FSIP1: variants seen among roughly 807,000 people sequenced by gnomAD.
The protein encoded by FSIP1 is fibrous sheath-interacting protein 1.
A neutral mutation model predicts 60.9 loss-of-function variants in FSIP1; 65 were observed. The ratio of observed to expected loss-of-function variants is 1.07; its 90% CI spans 0.87 to 1.31. The LOEUF (loss-of-function observed/expected upper bound fraction) is 1.31. FSIP1 is among the 40% of genes most tolerant of loss of function. The pLI, the probability that FSIP1 is intolerant of heterozygous loss-of-function variation, is 0.00. For synonymous variants in FSIP1, 209 were observed against 221.2 expected, an observed-to-expected ratio of 0.94 and a Z score of 0.49; for missense variants, 675 against 665.5, an observed-to-expected ratio of 1.01 and a Z score of -0.16.
chr15:39,601,501 G>A (rs4924368), intron 11 of FSIP1, among the ~76,000 whole-genome samples: 4,874 of 152,286 alleles, frequency 0.032, 103 homozygotes, highest in Non-Finnish European at 0.048. Flanking sequence ...GAAACAGTCT[G>A]GCAGTTCCTG....
intron 10 of FSIP1, among the ~76,000 whole-genome samples, chr15:39,665,111 T>C (rs1446980286): frequency 1.3e-5 from 2 of 152,208 alleles, no homozygotes; most frequent in African/African-American, 2.4e-5. Flanking sequence ...TTCATTAGCA[T>C]GACCCCAGCT....
At chr15:39,708,351 C>T (rs1324028701) in intron 10 of FSIP1, among the ~76,000 whole-genome samples, 1 of 152,188 alleles carries the variant, frequency 6.6e-6, no homozygotes, top group Non-Finnish European at 1.5e-5. Context: ...CTCTACCCAG[C>T]CAGTGTCACT....
chr15:39,652,806 A>G (rs1448720233), intron 10 of FSIP1, among the ~76,000 whole-genome samples: 5 of 152,200 alleles, frequency 3.3e-5, no homozygotes, highest in Admixed American at 2.0e-4. Context: ...TGCATTGATT[A>G]CTGTAGGAAA....
At chr15:39,733,550 C>T (rs956486311) in intron 8 of FSIP1, among the ~76,000 whole-genome samples, 2 of 152,124 alleles carry the variant, frequency 1.3e-5, no homozygotes, top group African/African-American at 4.8e-5. Flanking sequence ...TGACATGATC[C>T]CCATTTCTAC....
chr15:39,636,210 G>A (rs1892132215), intron 10 of FSIP1, among the ~76,000 whole-genome samples: 1 of 152,132 alleles, frequency 6.6e-6, no homozygotes. Context: ...ATTTATGCTA[G>A]TACACTGAAT....
At chr15:39,651,388 T>C (rs1892861605) in intron 10 of FSIP1, among the ~76,000 whole-genome samples, 1 of 152,164 alleles carries the variant, frequency 6.6e-6, no homozygotes, top group Non-Finnish European at 1.5e-5. Flanking sequence ...GACAAGCAAC[T>C]CAAATTTCCA....
intron 10 of FSIP1, among the ~76,000 whole-genome samples, chr15:39,666,636 T>A (rs965825760): frequency 6.6e-6 from 1 of 152,238 alleles, no homozygotes; most frequent in Non-Finnish European, 1.5e-5. Context: ...TTTTTCAAAC[T>A]ATACAGAGTC....
chr15:39,780,514 C>T (rs1474700990), intron 1 of FSIP1, among the ~76,000 whole-genome samples: 2 of 151,822 alleles, frequency 1.3e-5, no homozygotes, highest in Admixed American at 6.6e-5. Context: ...AGCGAGACTC[C>T]GTGTCAAAAA....
chr15:39,666,112 C>T (rs944164014), intron 10 of FSIP1, among the ~76,000 whole-genome samples: 1 of 152,102 alleles, frequency 6.6e-6, no homozygotes, highest in Admixed American at 6.5e-5. Context: ...AGAAACTCTG[C>T]GTTAATCAAC....
At chr15:39,712,899 C>T (rs1895580513) in intron 10 of FSIP1, among the ~76,000 whole-genome samples, 1 of 137,882 alleles carries the variant, frequency 7.3e-6, no homozygotes. Context: ...TAATTACAAA[C>T]AAAAAGAGAA....
chr15:39,611,316 G>GT (rs1032877084), intron 11 of FSIP1, among the ~76,000 whole-genome samples: 37 of 151,278 alleles, frequency 2.4e-4, no homozygotes, highest in African/African-American at 7.0e-4. Context: ...TTTTGTTGTT[G>GT]TTTTTTTTTA....
chr15:39,701,553 T>C (rs1379135366), intron 10 of FSIP1, among the ~76,000 whole-genome samples: 1 of 152,148 alleles, frequency 6.6e-6, no homozygotes, highest in Non-Finnish European at 1.5e-5. Context: ...AAAATAGATG[T>C]AAGTGCCAGG....
At chr15:39,754,422 A>G (rs1261651440) in intron 5 of FSIP1, among the ~76,000 whole-genome samples, 3 of 152,140 alleles carry the variant, frequency 2.0e-5, no homozygotes, top group Non-Finnish European at 4.4e-5. Flanking sequence ...TTTGTTACAC[A>G]GCACTAGATA....
Position 39,659,626 on chromosome 15 carries a change from T to TA in FSIP1, c.1189-41382_1189-41381insT, listed in dbSNP as rs150262830. On this transcript the variant is annotated intron_variant, in intron 10 of 11. Coordinates refer to ENST00000350221, the MANE Select transcript of FSIP1 (RefSeq NM_152597.5). ...ATTATATCTCAATAAAGCTGTTATT[T>TA]TAAAAAAAAAAAAAAAAAGCAATGG... is the stretch of plus-strand genomic sequence containing the variant. Among the ~76,000 whole-genome samples, 838 of 133,768 alleles carry TA rather than the reference T, an allele frequency of 6.3e-3. 27 individuals are homozygous for TA. Among genetic ancestry groups the TA allele is most frequent in the African/African-American group, 0.021 (750 of 36,004 alleles). The allele number at this position is 133,768 out of a possible 152,430, so 87.8% of individuals were successfully genotyped here. A position where few individuals can be genotyped will look rare whatever the true frequency, so the allele number is the denominator to read the frequency against.
intron 10 of FSIP1, among the ~76,000 whole-genome samples, chr15:39,623,735 A>G (rs1891532095): frequency 1.3e-5 from 2 of 152,210 alleles, no homozygotes; most frequent in Admixed American, 1.3e-4. Context: ...GACAACGACA[A>G]GCAGGAAATA....
chr15:39,734,285 A>C (rs912725162), intron 8 of FSIP1, among the ~76,000 whole-genome samples: 1 of 152,200 alleles, frequency 6.6e-6, no homozygotes, highest in Non-Finnish European at 1.5e-5. Flanking sequence ...CTTGGGGCAA[A>C]ATTTTTCAAA....
At chr15:39,746,108 TA>T (rs569934157) in intron 5 of FSIP1, among the ~76,000 whole-genome samples, 2 of 151,774 alleles carry the variant, frequency 1.3e-5, no homozygotes, top group African/African-American at 4.8e-5. Context: ...AAATTAAAAA[TA>T]AAAAAACACG....
At chr15:39,658,772 C>T (rs1893174613) in intron 10 of FSIP1, among the ~76,000 whole-genome samples, 1 of 152,300 alleles carries the variant, frequency 6.6e-6, no homozygotes, top group Non-Finnish European at 1.5e-5. Flanking sequence ...AAAAGCAAAA[C>T]ATTGAGCTGC....
chr15:39,626,007 A>T (rs1891623873), intron 10 of FSIP1, among the ~76,000 whole-genome samples: 1 of 152,056 alleles, frequency 6.6e-6, no homozygotes, highest in African/African-American at 2.4e-5. Flanking sequence ...CTGTGTAGAG[A>T]TAAGTTGGGT....
Sources: gnomAD v4.1 joint callset for allele counts (sites outside exome capture counted in the v4.1 genomes callset) on GRCh38, gnomAD v4.1.1 for gene constraint, MANE v1.5 for transcripts, NCBI Gene and HGNC (gene_info 2026-07-23, HGNC 2026-07-21) for gene names.